The following CCBE1 variants were observed in gnomAD, a reference collection of about 807,000 sequenced individuals.
CCBE1 encodes collagen and calcium binding EGF domains 1, also known as collagen and calcium-binding EGF domain-containing protein 1.
In CCBE1, 37 loss-of-function variants were observed where a neutral mutation model predicts 50.0. The observed-to-expected ratio is 0.74, with a 90% CI of 0.57 to 0.97. CCBE1 has a LOEUF of 0.97. Ranked by LOEUF, CCBE1 falls within the 50% of genes least tolerant of loss-of-function variation. The pLI is 0.00. For synonymous variants in CCBE1, 234 were observed against 203.7 expected, an observed-to-expected ratio of 1.15 and a Z score of -1.27; for missense variants, 538 against 523.8, an observed-to-expected ratio of 1.03 and a Z score of -0.26.
Position 59,432,992 on chromosome 18 carries a change from A to G in CCBE1, c.*2916T>C, listed in dbSNP as rs1057322767. The G allele has an allele frequency of 3.3e-5, 5 of 152,116 alleles. No individual in the cohort carries two copies. The highest frequency in any genetic ancestry group is 2.0e-4 in the Admixed American group (3 of 15,276). The allele number at this position is 152,116 out of a possible 1,614,324, so 9.4% of individuals were successfully genotyped here. A position where few individuals can be genotyped will look rare whatever the true frequency, so the allele number is the denominator to read the frequency against. On this transcript the variant is annotated 3_prime_UTR_variant, in exon 11 of 11. Transcript: ENST00000439986. The stretch of plus-strand genomic sequence containing the variant: ...ACATTCATCCATCCACACCCTTTAA[A>G]TACCATGCTCCACAAGCAGGCAAAC...
intron 2 of CCBE1, among the ~76,000 whole-genome samples, chr18:59,642,759 C>T (rs537489565): frequency 3.4e-4 from 52 of 151,772 alleles, no homozygotes; most frequent in Non-Finnish European, 6.0e-4. Flanking sequence ...AGCAGCCTGG[C>T]CAACGTGGTG....
At chr18:59,538,644 A>G (rs1320762236) in intron 2 of CCBE1, among the ~76,000 whole-genome samples, 1 of 152,224 alleles carries the variant, frequency 6.6e-6, no homozygotes, top group African/African-American at 2.4e-5. Context: ...GGACAAGAGT[A>G]AACAGTCAAA....
At chr18:59,639,258 A>T (rs916798248) in intron 2 of CCBE1, among the ~76,000 whole-genome samples, 15 of 152,144 alleles carry the variant, frequency 9.9e-5, no homozygotes, top group Admixed American at 9.8e-4. Context: ...GACAGAGCAA[A>T]ACCCTGTCTT....
chr18:59,661,159 G>T (rs1443652007), intron 2 of CCBE1, among the ~76,000 whole-genome samples: 1 of 152,204 alleles, frequency 6.6e-6, no homozygotes, highest in Non-Finnish European at 1.5e-5. Flanking sequence ...AGCCATCTGA[G>T]AGGCGTCTCT....
rs993435006 is a variant in CCBE1 at position 59,531,350 on chromosome 18, T to C, written c.213-51112A>G. On this transcript the variant is annotated intron_variant, in intron 2 of 10. Coordinates refer to ENST00000439986, the MANE Select transcript of CCBE1 (RefSeq NM_133459.4). Reference sequence around the variant, plus strand: ...CAAATTTACTTTCAACCACATGTGATCTTTTTTTCCTCTTCTCCAACAGTC... The same window carrying C: ...CAAATTTACTTTCAACCACATGTGACCTTTTTTTCCTCTTCTCCAACAGTC... Among the ~76,000 whole-genome samples, 15 of 152,214 alleles carry C rather than the reference T, an allele frequency of 9.9e-5. 1 individual carries two copies. Among genetic ancestry groups the C allele is most frequent in the African/African-American group, 3.6e-4 (15 of 41,544 alleles).
intron 2 of CCBE1, among the ~76,000 whole-genome samples, chr18:59,683,039 G>A (rs2054612985): frequency 6.6e-6 from 1 of 152,116 alleles, no homozygotes; most frequent in Non-Finnish European, 1.5e-5. Flanking sequence ...CCTTGGGTAG[G>A]TCAGCTGGGA....
At chr18:59,654,295 T>G (rs1407694066) in intron 2 of CCBE1, among the ~76,000 whole-genome samples, 1 of 152,184 alleles carries the variant, frequency 6.6e-6, no homozygotes, top group Non-Finnish European at 1.5e-5. Flanking sequence ...AGGTTTTGTT[T>G]GGGCACACGC....
intron 9 of CCBE1, 129 bp downstream of exon 9, chr18:59,439,414 C>T (rs1439329785): frequency 1.7e-6 from 2 of 1,157,062 alleles, no homozygotes; most frequent in Non-Finnish European, 2.6e-6. Flanking sequence ...CTGTAATGAG[C>T]CAAGATTGTG....
chr18:59,571,130 C>T (rs1482167426), intron 2 of CCBE1, among the ~76,000 whole-genome samples: 3 of 152,132 alleles, frequency 2.0e-5, no homozygotes, highest in Non-Finnish European at 2.9e-5. Context: ...CCAGAATTAA[C>T]GCAGCCCTTT....
chr18:59,523,241 A>G (rs1285953859), intron 2 of CCBE1, among the ~76,000 whole-genome samples: 1 of 151,404 alleles, frequency 6.6e-6, no homozygotes, highest in Non-Finnish European at 1.5e-5. Context: ...GCAGGTACAG[A>G]GGTGGGGGTG....
intron 2 of CCBE1, among the ~76,000 whole-genome samples, chr18:59,617,037 G>C (rs1265516062): frequency 1.3e-5 from 2 of 152,182 alleles, no homozygotes; most frequent in Non-Finnish European, 2.9e-5. Context: ...AAACCAATTA[G>C]ATAAGGGACT....
intron 2 of CCBE1, among the ~76,000 whole-genome samples, chr18:59,577,134 G>A (rs977204674): frequency 6.6e-6 from 1 of 152,208 alleles, no homozygotes; most frequent in Non-Finnish European, 1.5e-5. Context: ...TTCTGAGAGT[G>A]TTTAGCTGTC....
At chr18:59,462,893 T>C (rs1911559687) in intron 5 of CCBE1, among the ~76,000 whole-genome samples, 1 of 152,160 alleles carries the variant, frequency 6.6e-6, no homozygotes. Flanking sequence ...AGATAAAATA[T>C]GCCTTTAACG....
intron 2 of CCBE1, among the ~76,000 whole-genome samples, chr18:59,649,939 G>A (rs1343046569): frequency 4.6e-5 from 7 of 152,104 alleles, no homozygotes; most frequent in African/African-American, 1.7e-4. Context: ...CATCTTCAAG[G>A]GGCACATGGG....
At chr18:59,503,053 TTTTC>T (rs1372518100) in intron 2 of CCBE1, among the ~76,000 whole-genome samples, 1 of 152,184 alleles carries the variant, frequency 6.6e-6, no homozygotes, top group Non-Finnish European at 1.5e-5. Context: ...GCTCAACTGT[TTTTC>T]TTCTTCCTGG....
intron 2 of CCBE1, among the ~76,000 whole-genome samples, chr18:59,516,203 C>T (rs1286118441): frequency 6.6e-6 from 1 of 150,946 alleles, no homozygotes; most frequent in Non-Finnish European, 1.5e-5. Context: ...AAGTGATCCA[C>T]CCGCCTCAGC....
intron 2 of CCBE1, chr18:59,563,683 T>G (rs140332622): frequency 1.3e-5 from 2 of 152,192 alleles, no homozygotes; most frequent in African/African-American, 4.8e-5. Flanking sequence ...AGAATTCTCA[T>G]GCCACTGAGG....
chr18:59,484,362 T>C (rs550279451), intron 2 of CCBE1, among the ~76,000 whole-genome samples: 1 of 152,352 alleles, frequency 6.6e-6, no homozygotes, highest in African/African-American at 2.4e-5. Context: ...TATGGTTTTA[T>C]TTGTCTGTTT....
At chr18:59,549,102 CAA>C (rs10661714) in intron 2 of CCBE1, among the ~76,000 whole-genome samples, 33 of 115,762 alleles carry the variant, frequency 2.9e-4, no homozygotes, top group South Asian at 5.9e-4. Flanking sequence ...GACTCCGTCT[CAA>C]AAAAAAAAAA....
Sources: allele counts gnomAD v4.1 joint callset (sites outside exome capture counted in the v4.1 genomes callset), GRCh38; gene constraint gnomAD v4.1.1; transcripts MANE v1.5; gene names NCBI Gene and HGNC (gene_info 2026-07-23, HGNC 2026-07-21).